ASAH2: variants seen among roughly 807,000 people sequenced by gnomAD.
The protein encoded by ASAH2 is neutral ceramidase.
ASAH2 carries 58 observed loss-of-function variants against 82.9 expected under a neutral mutation model. The ratio of observed to expected loss-of-function variants is 0.70; its 90% CI spans 0.57 to 0.87. The LOEUF is 0.87. Ranked by LOEUF, ASAH2 falls within the 40% of genes least tolerant of loss-of-function variation. The pLI is 0.00. For missense variants in ASAH2, 779 were observed against 834.0 expected (o/e 0.93, Z 0.81); for synonymous variants, 276 against 289.7 (o/e 0.95, Z 0.48).
chr10:50,185,296 T>C lies in ASAH2; in HGVS notation c.*2019A>G, dbSNP rs1397232650. On this transcript the variant is annotated 3_prime_UTR_variant, in exon 21 of 21. Transcript: ENST00000682911. ...TTTGGTTTTATTTTTACACATGAAC[T>C]GCGAACATAGAACTGCATGCCCTAG... The C allele has an allele frequency of 1.4e-5, 2 of 147,192 alleles. No individual in the cohort carries two copies. The highest frequency in any genetic ancestry group is 3.0e-5 in the Non-Finnish European group (2 of 66,840). The allele number at this position is 147,192 out of a possible 1,614,324, so 9.1% of individuals were successfully genotyped here. A position where few individuals can be genotyped will look rare whatever the true frequency, so the allele number is the denominator to read the frequency against.
In ASAH2 at chr10:50,206,063, A is replaced by G; in HGVS notation, c.1449T>C (p.Ile483=). The G allele has an allele frequency of 6.2e-7, 1 of 1,612,654 alleles. No individual in the cohort carries two copies. Among genetic ancestry groups the G allele is most frequent in the Non-Finnish European group, 8.5e-7 (1 of 1,178,890 alleles). Reference sequence around the variant, plus strand: ...ATGGCTTTCCCAGGATCTGGTCCCGAATGGTGTCCCAAAATGGATCCCCTT... The same window carrying G: ...ATGGCTTTCCCAGGATCTGGTCCCGGATGGTGTCCCAAAATGGATCCCCTT... The part of the protein sequence containing the change: ...KTEGDPFWDT[I]RDQILGKPSE... The change falls in exon 13 of 21, where the codon ATT becomes ATC. Residue 483 remains isoleucine (I), a synonymous_variant. Coordinates refer to ENST00000682911, the MANE Select transcript of ASAH2 (RefSeq NM_019893.4).
chr10:50,216,753 C>A (rs1033241979), intron 8 of ASAH2, among the ~76,000 whole-genome samples: 2 of 152,170 alleles, frequency 1.3e-5, no homozygotes, highest in Non-Finnish European at 2.9e-5. Context: ...CCTTAAATGG[C>A]TCTAATTTTC....
chr10:50,212,294 C>T (rs1465913540), intron 10 of ASAH2, among the ~76,000 whole-genome samples: 1 of 151,740 alleles, frequency 6.6e-6, no homozygotes, highest in Non-Finnish European at 1.5e-5. Flanking sequence ...ATTTTTTTGT[C>T]TTTTTGCCTA....
At chr10:50,220,836 CAAAAAAAAAAAA>C (rs1206033397) in intron 7 of ASAH2, among the ~76,000 whole-genome samples, 1 of 76,212 alleles carries the variant, frequency 1.3e-5, no homozygotes, top group African/African-American at 4.6e-5. Context: ...ATACTCTAGC[CAAAAAAAAAAAA>C]AAAAAAAAAA....
chr10:50,237,235 G>T (rs1232392457), intron 4 of ASAH2, among the ~76,000 whole-genome samples: 2 of 152,116 alleles, frequency 1.3e-5, no homozygotes, highest in Non-Finnish European at 2.9e-5. Context: ...AGACTTGTTG[G>T]TCTAGAGGAT....
rs757575430 is a variant in ASAH2 at position 50,206,087 on chromosome 10, T to C, written c.1425A>G (p.Glu475=). The change falls in exon 13 of 21, where the codon GAA becomes GAG. Residue 475 remains glutamate (E), a synonymous_variant. Transcript: ENST00000682911. The part of the protein sequence containing the change: ...GGLNFTQGKT[E]GDPFWDTIRD... ...GAATGGTGTCCCAAAATGGATCCCC[T>C]TCTGTTTTCCCTATTAGAAATGTTA... is the stretch of plus-strand genomic sequence containing the variant. The C allele has an allele frequency of 4.3e-6, 7 of 1,610,852 alleles. No homozygotes were observed. The African/African-American group carries it at 9.3e-5, about 21-fold the overall frequency.
intron 7 of ASAH2, among the ~76,000 whole-genome samples, chr10:50,221,573 T>A (rs1262238084): frequency 1.3e-5 from 2 of 152,044 alleles, no homozygotes; most frequent in Admixed American, 6.6e-5. Context: ...GTGGTAACGT[T>A]ACCTGACCTA....
intron 13 of ASAH2, among the ~76,000 whole-genome samples, chr10:50,205,736 C>T (rs1825178236): frequency 6.6e-6 from 1 of 151,918 alleles, no homozygotes; most frequent in Non-Finnish European, 1.5e-5. Flanking sequence ...TCTTATTCTG[C>T]CTTTCCCACT....
intron 4 of ASAH2, among the ~76,000 whole-genome samples, chr10:50,240,912 T>C (rs1846276592): frequency 6.6e-6 from 1 of 152,236 alleles, no homozygotes; most frequent in South Asian, 2.1e-4. Context: ...TTTTCACCAC[T>C]GAGTGTGAGC....
Position 50,243,232 on chromosome 10 carries a change from T to A in ASAH2, c.480A>T (p.Ile160=), listed in dbSNP as rs1424457744. 6.2e-7 allele frequency: 1 copy of A among 1,614,026 alleles called. No individual in the cohort carries two copies. Among genetic ancestry groups the A allele is most frequent in the Non-Finnish European group, 8.5e-7 (1 of 1,179,974 alleles). The part of the protein sequence containing the change: ...SNRTVFVSID[I]GMVSQRLRLE... ...GCCTGAGCCTTTGTGATACCATGCC[T>A]ATGTCGATGCTGACAAACACTGTTC... Residue 160 remains isoleucine, a synonymous_variant, in exon 4 of 21, where the codon ATA becomes ATT. Coordinates refer to ENST00000682911, the MANE Select transcript of ASAH2 (RefSeq NM_019893.4).
rs989863097 is a variant in ASAH2, at chr10:50,235,779, C to T, written c.687+109G>A. The T allele has an allele frequency of 4.1e-6, 5 of 1,228,650 alleles. No homozygotes were observed. In the East Asian group the frequency reaches 1.2e-4, roughly 29 times the overall value. 76.1% of individuals were successfully genotyped at this position (1,228,650 alleles called of 1,614,324 possible). ...GGAGAAAGAATTGTACATGCTAATACTATGCTCAGACCCAAATCCTATAGG... is the reference window on the plus strand; with the variant it reads ...GGAGAAAGAATTGTACATGCTAATATTATGCTCAGACCCAAATCCTATAGG... On this transcript the variant is annotated intron_variant, in intron 5 of 20. Transcript: ENST00000682911.
intron 7 of ASAH2, among the ~76,000 whole-genome samples, chr10:50,225,376 C>A (rs1444777548): frequency 2.0e-5 from 3 of 152,134 alleles, no homozygotes; most frequent in African/African-American, 7.2e-5. Flanking sequence ...TGAGATCACG[C>A]CACTGTACTC....
intron 7 of ASAH2, among the ~76,000 whole-genome samples, chr10:50,224,111 C>A (rs1415156479): frequency 6.6e-6 from 1 of 152,164 alleles, no homozygotes; most frequent in Non-Finnish European, 1.5e-5. Context: ...AAAATACCAG[C>A]TCTGGGGTCA....
At chr10:50,243,442 A>G (rs1846362743) in intron 3 of ASAH2, 91 bp from the exon 4 acceptor site, 1 of 1,284,840 alleles carries the variant, frequency 7.8e-7, no homozygotes, top group Admixed American at 2.5e-5. Context: ...GACTGCAGAA[A>G]AACAAAGAAA....
chr10:50,199,705 C>T (rs1322226013), intron 16 of ASAH2, among the ~76,000 whole-genome samples: 2 of 149,802 alleles, frequency 1.3e-5, no homozygotes, highest in Non-Finnish European at 3.0e-5. Context: ...ACAACATTCT[C>T]ATCTCAGCGA....
At chr10:50,234,301 A>G (rs1441116890) in intron 6 of ASAH2, 124 bp downstream of exon 6, 1 of 1,355,870 alleles carries the variant, frequency 7.4e-7, no homozygotes, top group Non-Finnish European at 1.1e-6. Context: ...TGTTTTTAAG[A>G]TATCATAGCT....
chr10:50,228,143 G>A (rs2133220582), intron 7 of ASAH2, among the ~76,000 whole-genome samples: 1 of 152,210 alleles, frequency 6.6e-6, no homozygotes, highest in East Asian at 1.9e-4. Flanking sequence ...AAGCAACATA[G>A]CAAGACCCTG....
At chr10:50,214,658 G>A (rs1845548214) in intron 9 of ASAH2, 85 bp downstream of exon 9, 3 of 1,536,638 alleles carry the variant, frequency 2.0e-6, no homozygotes, top group Non-Finnish European at 2.7e-6. Context: ...AGAAGACAAG[G>A]TATTTGTAAA....
rs1375538681 is a variant in ASAH2 at position 50,214,743 on chromosome 10, C to T, written c.1140G>A (p.Gly380=). The change falls in exon 9 of 21, where the codon GGG becomes GGA. Residue 380 remains glycine (G), a splice_region_variant and synonymous_variant. Transcript: ENST00000682911. The part of the protein sequence containing the change: ...DNANSTCPIG[G]PSMCIAKGPG... ...GATTTCATGTGTCATAATTACCTACCCCACCAATGGGACAAGTGCTATTGG... is the reference window on the plus strand; with the variant it reads ...GATTTCATGTGTCATAATTACCTACTCCACCAATGGGACAAGTGCTATTGG... 19 of 1,613,476 alleles carry T rather than the reference C, an allele frequency of 1.2e-5. No individual in the cohort carries two copies. The highest frequency in any genetic ancestry group is 1.4e-5 in the Non-Finnish European group (16 of 1,179,644).
Sources: gnomAD v4.1 joint callset for allele counts (sites outside exome capture counted in the v4.1 genomes callset) on GRCh38, gnomAD v4.1.1 for gene constraint, MANE v1.5 for transcripts, NCBI Gene and HGNC (gene_info 2026-07-23, HGNC 2026-07-21) for gene names.